Variants in GRM7 observed in about 807,000 individuals in gnomAD.
GRM7 encodes the protein glutamate metabotropic receptor 7.
In GRM7, 35 loss-of-function variants were observed where a neutral mutation model predicts 84.5. The ratio of observed to expected loss-of-function variants is 0.41; its 90% CI spans 0.32 to 0.55. The LOEUF (loss-of-function observed/expected upper bound fraction) is 0.55, where lower values mean the gene tolerates loss of function less well. Among genes scored for constraint, GRM7 ranks in the 20% least tolerant of loss-of-function variants. GRM7 has a pLI of 0.19. For missense variants in GRM7, 1,003 were observed against 1,194.6 expected, an observed-to-expected ratio of 0.84 and a Z score of 2.36; for synonymous variants, 487 against 455.1, an observed-to-expected ratio of 1.07 and a Z score of -0.89.
At chr3:7,489,011 T>A (rs1318449780) in intron 7 of GRM7, among the ~76,000 whole-genome samples, 1 of 152,158 alleles carries the variant, frequency 6.6e-6, no homozygotes, top group Admixed American at 6.6e-5. Context: ...CTTACTTAAC[T>A]CTTTTTGGTT....
intron 8 of GRM7, among the ~76,000 whole-genome samples, chr3:7,624,655 G>A (rs376960034): frequency 1.3e-5 from 2 of 152,078 alleles, no homozygotes; most frequent in East Asian, 3.9e-4. Flanking sequence ...CCATCTCCGA[G>A]TTGTTATGAA....
chr3:7,728,206 C>G (rs557811988), intron 9 of GRM7, among the ~76,000 whole-genome samples: 1 of 152,108 alleles, frequency 6.6e-6, no homozygotes, highest in Non-Finnish European at 1.5e-5. Context: ...GTTCCCAGAC[C>G]GAACCGGGTC....
In GRM7 at chr3:6,863,108, GTCT is replaced by G; in HGVS notation, c.519+1202_519+1204del. On this transcript the variant is annotated intron_variant, in intron 1 of 9. Coordinates refer to ENST00000357716, the MANE Select transcript of GRM7 (RefSeq NM_000844.4). The surrounding 1 kb of genome is among the most constrained non-coding windows in gnomAD (Gnocchi z 4.8). ...TATATGTGCATCACTCTCTCTTTCT[GTCT>G]CTGTCTCCTTGCTGTTTTTTTTTTC... The G allele has an allele frequency of 2.7e-6, 1 of 368,816 alleles. No individual in the cohort carries two copies. The highest frequency in any genetic ancestry group is 5.3e-6 in the Non-Finnish European group (1 of 187,262). The allele number at this position is 368,816 out of a possible 1,614,324, so 22.8% of individuals were successfully genotyped here.
chr3:7,613,547 T>C (rs897670147), intron 8 of GRM7, among the ~76,000 whole-genome samples: 1 of 152,168 alleles, frequency 6.6e-6, no homozygotes, highest in African/African-American at 2.4e-5. Context: ...GCTCACATCT[T>C]CCCAACGTAC....
At chr3:7,100,836 A>C (rs1047281038) in intron 1 of GRM7, among the ~76,000 whole-genome samples, 1 of 151,822 alleles carries the variant, frequency 6.6e-6, no homozygotes, top group Non-Finnish European at 1.5e-5. Context: ...ACACTGTGAT[A>C]GATTTGGTTT....
At chr3:6,925,562 T>C (rs1697269192) in intron 1 of GRM7, among the ~76,000 whole-genome samples, 1 of 152,210 alleles carries the variant, frequency 6.6e-6, no homozygotes, top group Non-Finnish European at 1.5e-5. Context: ...AACCAGGATC[T>C]TGATTTTAGA....
At chr3:7,542,150 C>T (rs930999805) in intron 7 of GRM7, among the ~76,000 whole-genome samples, 1 of 152,152 alleles carries the variant, frequency 6.6e-6, no homozygotes, top group African/African-American at 2.4e-5. Context: ...CTGCAAATAC[C>T]CTATTTCCAA....
chr3:7,269,668 T>A (rs1464390567), intron 2 of GRM7, among the ~76,000 whole-genome samples: 3 of 152,222 alleles, frequency 2.0e-5, no homozygotes, highest in Non-Finnish European at 4.4e-5. Context: ...ATGAAGATTC[T>A]GCTCCTTCTA....
intron 1 of GRM7, among the ~76,000 whole-genome samples, chr3:7,016,328 G>C (rs1457444500): frequency 2.0e-5 from 3 of 152,150 alleles, no homozygotes; most frequent in African/African-American, 7.2e-5. Context: ...GTTTTACTTG[G>C]GTGAAGTCAC....
intron 9 of GRM7, among the ~76,000 whole-genome samples, chr3:7,684,959 C>T (rs1280191737): frequency 1.3e-5 from 2 of 152,208 alleles, no homozygotes; most frequent in Non-Finnish European, 2.9e-5. Context: ...GATGCCTTCT[C>T]ACATTCCTGT....
chr3:7,256,640 C>G (rs1343926189), intron 2 of GRM7, among the ~76,000 whole-genome samples: 1 of 152,012 alleles, frequency 6.6e-6, no homozygotes. Context: ...CATGCACACA[C>G]ACACATACAC....
chr3:7,214,176 A>G (rs1402906831), intron 2 of GRM7, among the ~76,000 whole-genome samples: 1 of 152,070 alleles, frequency 6.6e-6, no homozygotes, highest in Non-Finnish European at 1.5e-5. Context: ...TAAATGAAGC[A>G]TCTTATATTG....
intron 1 of GRM7, among the ~76,000 whole-genome samples, chr3:6,976,656 C>A (rs558583504): frequency 2.6e-5 from 4 of 152,104 alleles, no homozygotes; most frequent in African/African-American, 7.2e-5. Flanking sequence ...ATGCTCACCA[C>A]CTATTGTCTA....
intron 1 of GRM7, among the ~76,000 whole-genome samples, chr3:7,117,612 A>G (rs1185770965): frequency 1.3e-5 from 2 of 152,102 alleles, no homozygotes; most frequent in East Asian, 3.9e-4. Context: ...AGTTATCCTC[A>G]TGCTCTCCCA....
intron 4 of GRM7, among the ~76,000 whole-genome samples, chr3:7,374,756 G>T (rs1186388289): frequency 6.6e-6 from 1 of 151,386 alleles, no homozygotes; most frequent in African/African-American, 2.4e-5. Context: ...CTCCCAAAGT[G>T]CTGGGATTAC....
chr3:7,076,735 T>C (rs1698096034), intron 1 of GRM7, among the ~76,000 whole-genome samples: 2 of 152,080 alleles, frequency 1.3e-5, no homozygotes, highest in Admixed American at 1.3e-4. Context: ...TAGGTAAATA[T>C]ATCATAAAGA....
chr3:6,891,629 T>A (rs1158467176), intron 1 of GRM7, among the ~76,000 whole-genome samples: 1 of 152,236 alleles, frequency 6.6e-6, no homozygotes, highest in East Asian at 1.9e-4. Context: ...CTTCCCTTTG[T>A]GGGTAACCCG....
intron 8 of GRM7, among the ~76,000 whole-genome samples, chr3:7,659,579 T>C (rs929852763): frequency 3.3e-5 from 5 of 152,152 alleles, no homozygotes; most frequent in African/African-American, 1.2e-4. Context: ...TAATCACCCA[T>C]TGGAAGCCCC....
intron 5 of GRM7, among the ~76,000 whole-genome samples, chr3:7,443,535 G>C (rs961188528): frequency 5.3e-5 from 8 of 151,200 alleles, no homozygotes; most frequent in Non-Finnish European, 1.2e-4. Flanking sequence ...TTTACTTCTT[G>C]CCATTTGTCA....
Sources: gnomAD v4.1 joint callset for allele counts (sites outside exome capture counted in the v4.1 genomes callset) on GRCh38, gnomAD v4.1.1 for gene constraint, Gnocchi (gnomAD v3.1) non-coding constraint, MANE v1.5 for transcripts, NCBI Gene and HGNC (gene_info 2026-07-23, HGNC 2026-07-21) for gene names.